The following GTF2E2 variants were observed in gnomAD, a reference collection of about 807,000 sequenced individuals.
GTF2E2 encodes transcription initiation factor IIE subunit beta.
A neutral mutation model predicts 40.5 loss-of-function variants in GTF2E2; 21 were observed. The ratio of observed to expected loss-of-function variants is 0.52; its 90% CI spans 0.37 to 0.75. The LOEUF is 0.75. Among genes scored for constraint, GTF2E2 ranks in the 30% least tolerant of loss-of-function variants. GTF2E2 has a pLI of 0.00. For missense variants in GTF2E2, 298 were observed against 338.4 expected, an observed-to-expected ratio of 0.88 and a Z score of 0.94; for synonymous variants, 117 against 121.6, an observed-to-expected ratio of 0.96 and a Z score of 0.25.
At chr8:30,589,026 G>A (rs1242291940) in intron 6 of GTF2E2, among the ~76,000 whole-genome samples, 1 of 152,136 alleles carries the variant, frequency 6.6e-6, no homozygotes, top group Non-Finnish European at 1.5e-5. Flanking sequence ...GGCTGAGGGA[G>A]GCGGATCACG....
intron 6 of GTF2E2, among the ~76,000 whole-genome samples, chr8:30,582,013 A>G (rs75833452): frequency 6.6e-6 from 1 of 152,038 alleles, no homozygotes; most frequent in Non-Finnish European, 1.5e-5. Context: ...TTCTTTTTTT[A>G]AAATTTATTT....
chr8:30,643,805 G>T (rs1329112796), intron 2 of GTF2E2: 2 of 150,898 alleles, frequency 1.3e-5, no homozygotes, highest in African/African-American at 4.9e-5. Flanking sequence ...TGCAAGGCTA[G>T]TAAGAAAGAA....
At chr8:30,637,521 T>G in intron 2 of GTF2E2, among the ~76,000 whole-genome samples, 1 of 13,446 alleles carries the variant, frequency 7.4e-5, no homozygotes, top group East Asian at 7.3e-4. Context: ...TTTATTTTAT[T>G]TATTTTATTT....
intron 3 of GTF2E2, among the ~76,000 whole-genome samples, chr8:30,617,655 A>C (rs1212593031): frequency 1.3e-5 from 2 of 152,006 alleles, no homozygotes; most frequent in Admixed American, 1.3e-4. Context: ...GGCAGGCTGT[A>C]ACGACTGCTT....
At chr8:30,652,377 G>A (rs1211494450) in intron 2 of GTF2E2, among the ~76,000 whole-genome samples, 2 of 150,840 alleles carry the variant, frequency 1.3e-5, no homozygotes, top group Non-Finnish European at 3.0e-5. Context: ...ATAGAGAGAG[G>A]AAATATACCT....
At chr8:30,630,217 G>T (rs1281990216) in intron 3 of GTF2E2, among the ~76,000 whole-genome samples, 1 of 152,194 alleles carries the variant, frequency 6.6e-6, no homozygotes, top group Non-Finnish European at 1.5e-5. Context: ...GCTATGGTAT[G>T]ATAGTAACCA....
intron 2 of GTF2E2, 31 bp downstream of exon 2, chr8:30,653,402 A>G (rs770998443): frequency 6.4e-7 from 1 of 1,573,194 alleles, no homozygotes; most frequent in East Asian, 2.2e-5. Context: ...ATCTGAATAA[A>G]AACCAAACAG....
At chr8:30,653,270 T>G (rs1404218799) in intron 2 of GTF2E2, among the ~76,000 whole-genome samples, 163 bp downstream of exon 2, 3 of 152,204 alleles carry the variant, frequency 2.0e-5, no homozygotes, top group Non-Finnish European at 4.4e-5. Context: ...AGCACAAGAC[T>G]ATTAACATCC....
At chr8:30,615,186 G>C (rs988516254) in intron 3 of GTF2E2, among the ~76,000 whole-genome samples, 1 of 152,062 alleles carries the variant, frequency 6.6e-6, no homozygotes, top group Non-Finnish European at 1.5e-5. Flanking sequence ...GGCTGAGGCA[G>C]GAGAATCGCT....
At chr8:30,623,106 C>A (rs986667390) in intron 3 of GTF2E2, among the ~76,000 whole-genome samples, 1 of 152,054 alleles carries the variant, frequency 6.6e-6, no homozygotes, top group Non-Finnish European at 1.5e-5. Flanking sequence ...TGTTTAGAGA[C>A]TGGAGTAAAG....
chr8:30,613,952 A>G (rs1397970741), intron 4 of GTF2E2, among the ~76,000 whole-genome samples: 1 of 152,240 alleles, frequency 6.6e-6, no homozygotes, highest in African/African-American at 2.4e-5. Flanking sequence ...TCAAGCCATA[A>G]TAGCAGTAAT....
At chr8:30,595,999 T>TAG (rs1828994643) in intron 6 of GTF2E2, among the ~76,000 whole-genome samples, 1 of 152,258 alleles carries the variant, frequency 6.6e-6, no homozygotes, top group Non-Finnish European at 1.5e-5. Flanking sequence ...CTGCATGGGT[T>TAG]CTAATAAGAA....
intron 2 of GTF2E2, among the ~76,000 whole-genome samples, chr8:30,636,500 G>A (rs1258833802): frequency 2.0e-5 from 3 of 152,084 alleles, no homozygotes; most frequent in Non-Finnish European, 2.9e-5. Flanking sequence ...CCTTTTTTGA[G>A]ACTAAAATGA....
chr8:30,596,397 G>A (rs1226417963), intron 6 of GTF2E2, among the ~76,000 whole-genome samples: 11 of 152,070 alleles, frequency 7.2e-5, no homozygotes. Flanking sequence ...TGAGCTTGTT[G>A]AAGACATTTT....
intron 7 of GTF2E2, among the ~76,000 whole-genome samples, chr8:30,579,941 G>A (rs919505807): frequency 6.6e-6 from 1 of 152,356 alleles, no homozygotes; most frequent in Admixed American, 6.5e-5. Context: ...CTGAAAGGTT[G>A]TGCAGATCAA....
intron 3 of GTF2E2, among the ~76,000 whole-genome samples, chr8:30,619,667 G>A (rs1470672023): frequency 6.6e-6 from 1 of 152,044 alleles, no homozygotes; most frequent in Non-Finnish European, 1.5e-5. Flanking sequence ...GATTACAGGT[G>A]TGAGCCACTG....
chr8:30,606,810 T>C (rs1027288345), intron 6 of GTF2E2, among the ~76,000 whole-genome samples: 1 of 152,188 alleles, frequency 6.6e-6, no homozygotes, highest in African/African-American at 2.4e-5. Context: ...AGTTGAGCTA[T>C]AAACATTAAG....
chr8:30,627,396 C>G (rs1478731749), intron 3 of GTF2E2, among the ~76,000 whole-genome samples: 1 of 136,282 alleles, frequency 7.3e-6, no homozygotes, highest in African/African-American at 2.8e-5. Context: ...TTGGCATCCA[C>G]AGTGATGTTC....
intron 2 of GTF2E2, among the ~76,000 whole-genome samples, chr8:30,647,318 C>T (rs151217462): frequency 1.3e-5 from 2 of 152,292 alleles, no homozygotes; most frequent in Admixed American, 1.3e-4. Flanking sequence ...CGGTGGCTCA[C>T]GCCTGCAATC....
Sources: allele counts gnomAD v4.1 joint callset (sites outside exome capture counted in the v4.1 genomes callset), GRCh38; gene constraint gnomAD v4.1.1; transcripts MANE v1.5; gene names NCBI Gene and HGNC (gene_info 2026-07-23, HGNC 2026-07-21).